HYDIN: variants seen among roughly 807,000 people sequenced by gnomAD.
The protein encoded by HYDIN is HYDIN axonemal central pair apparatus protein.
A neutral mutation model predicts 403.9 loss-of-function variants in HYDIN; 132 were observed. The observed-to-expected ratio is 0.33, with a 90% confidence interval of 0.28 to 0.38. The LOEUF is 0.38. Among genes scored for constraint, HYDIN ranks in the 10% least tolerant of loss-of-function variants. HYDIN has a pLI of 1.00. For missense variants in HYDIN, 2,827 were observed against 5,009.5 expected, an observed-to-expected ratio of 0.56 and a Z score of 13.15; for synonymous variants, 1,202 against 1,891.7, an observed-to-expected ratio of 0.64 and a Z score of 9.46.
chr16:71,021,345 T>G (rs2144127488), intron 21 of HYDIN, among the ~76,000 whole-genome samples: 1 of 151,210 alleles, frequency 6.6e-6, no homozygotes, highest in East Asian at 1.9e-4. Context: ...GCCTCCCAAG[T>G]AGCTGGGATT....
intron 81 of HYDIN, among the ~76,000 whole-genome samples, chr16:70,828,662 A>G (rs2036755640): frequency 6.6e-6 from 1 of 152,118 alleles, no homozygotes; most frequent in Non-Finnish European, 1.5e-5. Context: ...CCAAAGAAAA[A>G]AGTTATGCAT....
chr16:71,130,262 G>A (rs2084651367), intron 8 of HYDIN, among the ~76,000 whole-genome samples: 1 of 151,898 alleles, frequency 6.6e-6, no homozygotes, highest in Admixed American at 6.6e-5. Context: ...TAGAACCTGG[G>A]GCCGGCAGGG....
chr16:70,922,785 C>CTTT (rs77860153), intron 45 of HYDIN, among the ~76,000 whole-genome samples: 52 of 110,182 alleles, frequency 4.7e-4, no homozygotes, highest in African/African-American at 1.6e-3. Flanking sequence ...CTTTTATAAC[C>CTTT]TTTTTTTTTT....
chr16:70,980,322 G>A (rs1382710258), intron 29 of HYDIN, among the ~76,000 whole-genome samples: 3 of 150,424 alleles, frequency 2.0e-5, no homozygotes, highest in Non-Finnish European at 4.4e-5. Context: ...GGGTAACAAA[G>A]TAAGATCCTA....
Position 71,187,290 on chromosome 16 carries a change from A to G in HYDIN, c.-23-372T>C, listed in dbSNP as rs185951421. Among the ~76,000 whole-genome samples the G allele has an allele frequency of 1.9e-3, 285 of 152,310 alleles. 5 individuals carry two copies. The highest frequency in any genetic ancestry group is 6.5e-3 in the African/African-American group (269 of 41,586). On this transcript the variant is annotated intron_variant, in intron 1 of 85. Transcript: ENST00000393567. ...TATTTGAAAGCGCTCTCTTAGGAGA[A>G]TCGACCCTTCAAACAGAATAAATAC...
chr16:70,898,971 A>T (rs996315370), intron 53 of HYDIN, among the ~76,000 whole-genome samples: 9 of 152,190 alleles, frequency 5.9e-5, no homozygotes, highest in Non-Finnish European at 1.0e-4. Flanking sequence ...CAATTTCACC[A>T]TGTTGGCCAG....
chr16:70,930,182 G>GA (rs1458626973), intron 45 of HYDIN, among the ~76,000 whole-genome samples: 2 of 152,194 alleles, frequency 1.3e-5, no homozygotes, highest in Non-Finnish European at 2.9e-5. Flanking sequence ...CACCACAATA[G>GA]AAAAAACCAC....
At chr16:70,881,278 G>A (rs1438855836) in intron 60 of HYDIN, among the ~76,000 whole-genome samples, 1 of 135,132 alleles carries the variant, frequency 7.4e-6, no homozygotes, top group African/African-American at 3.1e-5. Flanking sequence ...TTTTAGTACA[G>A]AAGAGGAAGA....
At chr16:71,052,062 G>C (rs1035371490) in intron 18 of HYDIN, among the ~76,000 whole-genome samples, 1 of 152,376 alleles carries the variant, frequency 6.6e-6, no homozygotes, top group Non-Finnish European at 1.5e-5. Flanking sequence ...TCATAGTAAA[G>C]CTCCAGTGTT....
At chr16:70,824,975 G>A (rs560964925) in intron 83 of HYDIN, among the ~76,000 whole-genome samples, 84 of 151,918 alleles carry the variant, frequency 5.5e-4, no homozygotes, top group African/African-American at 1.8e-3. Flanking sequence ...TCAGCCTCCT[G>A]AGTAGCTGAG....
intron 5 of HYDIN, among the ~76,000 whole-genome samples, chr16:71,163,359 G>A (rs1182187955): frequency 3.9e-5 from 6 of 152,088 alleles, no homozygotes; most frequent in Non-Finnish European, 7.4e-5. Context: ...TCCTGACCTC[G>A]TGATCCGCCT....
intron 23 of HYDIN, among the ~76,000 whole-genome samples, chr16:71,007,587 T>C (rs2079929966): frequency 6.7e-6 from 1 of 148,958 alleles, no homozygotes; most frequent in Admixed American, 6.7e-5. Flanking sequence ...ATCAGAGAAA[T>C]GCAAATCAAA....
chr16:71,022,392 A>G (rs539543485), intron 21 of HYDIN, among the ~76,000 whole-genome samples: 2 of 152,316 alleles, frequency 1.3e-5, no homozygotes, highest in South Asian at 4.2e-4. Flanking sequence ...GACCTTTTCA[A>G]TCCCACAGAG....
intron 75 of HYDIN, among the ~76,000 whole-genome samples, chr16:70,843,021 AAATTT>A (rs1299752090): frequency 6.6e-6 from 1 of 151,598 alleles, no homozygotes; most frequent in Non-Finnish European, 1.5e-5. Context: ...TTTTTTACAT[AAATTT>A]ATTTATTTAT....
At chr16:71,161,231 G>A (rs1349620566) in intron 6 of HYDIN, among the ~76,000 whole-genome samples, 2 of 151,270 alleles carry the variant, frequency 1.3e-5, no homozygotes, top group African/African-American at 4.9e-5. Flanking sequence ...ACAATAGGGT[G>A]TGTGCTCCTA....
chr16:71,185,484 G>T (rs1327737524), intron 2 of HYDIN, among the ~76,000 whole-genome samples: 3 of 152,132 alleles, frequency 2.0e-5, no homozygotes, highest in Admixed American at 1.3e-4. Context: ...AAATTGCAAA[G>T]ATCTAGGAAG....
chr16:70,810,109 A>G, intron 84 of HYDIN, 102 bp from the exon 85 acceptor site: 1 of 1,035,624 alleles, frequency 9.7e-7, no homozygotes, highest in South Asian at 1.4e-5. Flanking sequence ...GGGCAGAAAT[A>G]GTGCACATGA....
At chr16:71,145,341 G>A (rs1203012050) in intron 7 of HYDIN, among the ~76,000 whole-genome samples, 5 of 151,218 alleles carry the variant, frequency 3.3e-5, no homozygotes, top group Non-Finnish European at 5.9e-5. Flanking sequence ...TGTAACCTCC[G>A]ACTCCCTGGT....
intron 75 of HYDIN, among the ~76,000 whole-genome samples, chr16:70,849,448 C>G (rs887424609): frequency 6.6e-6 from 1 of 151,880 alleles, no homozygotes; most frequent in Non-Finnish European, 1.5e-5. Flanking sequence ...TCTTAGAAAA[C>G]GTTGTACATA....
Sources: gnomAD v4.1 joint callset for allele counts (sites outside exome capture counted in the v4.1 genomes callset) on GRCh38, gnomAD v4.1.1 for gene constraint, MANE v1.5 for transcripts, NCBI Gene and HGNC (gene_info 2026-07-23, HGNC 2026-07-21) for gene names.